SLC35F4: variants seen among roughly 807,000 people sequenced by gnomAD.
SLC35F4 encodes chromosome 14 open reading frame 36.
Under a neutral mutation model 44.2 loss-of-function variants are expected in SLC35F4, and 24 were observed. The ratio of observed to expected loss-of-function variants is 0.54; its 90% CI spans 0.39 to 0.76. The LOEUF is 0.76. Among genes scored for constraint, SLC35F4 ranks in the 30% least tolerant of loss-of-function variants. The probability of loss-of-function intolerance (pLI) is 0.00; values close to 1 mark genes in which losing one functional copy is unlikely to be tolerated. For synonymous variants in SLC35F4, 238 were observed against 223.6 expected, an observed-to-expected ratio of 1.06 and a Z score of -0.57; for missense variants, 562 against 586.1, an observed-to-expected ratio of 0.96 and a Z score of 0.42.
At chr14:57,612,544 C>T (rs2071576584) in intron 1 of SLC35F4, among the ~76,000 whole-genome samples, 1 of 152,188 alleles carries the variant, frequency 6.6e-6, no homozygotes, top group Admixed American at 6.5e-5. Flanking sequence ...ACTGTAATTT[C>T]TGGTTTATTT....
intron 1 of SLC35F4, among the ~76,000 whole-genome samples, chr14:57,684,083 T>A (rs916058666): frequency 6.6e-6 from 1 of 152,154 alleles, no homozygotes. Context: ...CATGCCTCTC[T>A]ATAACTCATC....
At chr14:57,831,137 C>G (rs979865238) in intron 1 of SLC35F4, among the ~76,000 whole-genome samples, 1 of 152,196 alleles carries the variant, frequency 6.6e-6, no homozygotes, top group Non-Finnish European at 1.5e-5. Flanking sequence ...GCCAGCAGAG[C>G]AGGGAGGTGA....
intron 1 of SLC35F4, among the ~76,000 whole-genome samples, chr14:57,605,456 G>C (rs990076164): frequency 6.6e-6 from 1 of 152,038 alleles, no homozygotes; most frequent in Non-Finnish European, 1.5e-5. Context: ...CAAAAAATAA[G>C]AGATGTTGGT....
chr14:57,569,074 T>C (rs2068349817), intron 6 of SLC35F4, among the ~76,000 whole-genome samples: 1 of 152,104 alleles, frequency 6.6e-6, no homozygotes, highest in Non-Finnish European at 1.5e-5. Context: ...AATGAAGACA[T>C]TACAAGGACT....
At chr14:57,693,889 C>T (rs1196034213) in intron 1 of SLC35F4, among the ~76,000 whole-genome samples, 2 of 152,120 alleles carry the variant, frequency 1.3e-5, no homozygotes, top group African/African-American at 4.8e-5. Context: ...GAGCACGTAT[C>T]AGACGAATAT....
At chr14:57,845,179 G>A (rs1039698565) in intron 1 of SLC35F4, among the ~76,000 whole-genome samples, 1 of 152,200 alleles carries the variant, frequency 6.6e-6, no homozygotes. Flanking sequence ...TGAGCCATGG[G>A]AGGATCTGAA....
At chr14:57,694,885 C>G (rs1324471394) in intron 1 of SLC35F4, among the ~76,000 whole-genome samples, 1 of 151,958 alleles carries the variant, frequency 6.6e-6, no homozygotes, top group Non-Finnish European at 1.5e-5. Flanking sequence ...AATATAGTAG[C>G]CTTGATAAAT....
intron 1 of SLC35F4, among the ~76,000 whole-genome samples, chr14:57,898,077 T>C (rs1342267098): frequency 6.6e-6 from 1 of 152,170 alleles, no homozygotes; most frequent in African/African-American, 2.4e-5. Flanking sequence ...GAAGCATCCC[T>C]AGTGAGTGAT....
At chr14:57,585,075 ACT>A (rs2069600477) in intron 3 of SLC35F4, among the ~76,000 whole-genome samples, 1 of 152,192 alleles carries the variant, frequency 6.6e-6, no homozygotes, top group Non-Finnish European at 1.5e-5. Context: ...GTAAGCATTT[ACT>A]CTCTTTGAAT....
chr14:57,887,278 T>C (rs564794920), intron 1 of SLC35F4, among the ~76,000 whole-genome samples: 1 of 152,106 alleles, frequency 6.6e-6, no homozygotes, highest in Non-Finnish European at 1.5e-5. Context: ...TCAAGTACAG[T>C]AGAGGAGGGT....
chr14:57,654,522 T>C (rs963075690), intron 1 of SLC35F4, among the ~76,000 whole-genome samples: 3 of 152,222 alleles, frequency 2.0e-5, no homozygotes, highest in African/African-American at 7.2e-5. Context: ...TTCCATATTT[T>C]TGCAATTGTG....
At chr14:57,782,798 A>G (rs952714601) in intron 1 of SLC35F4, among the ~76,000 whole-genome samples, 1 of 152,218 alleles carries the variant, frequency 6.6e-6, no homozygotes, top group African/African-American at 2.4e-5. Flanking sequence ...TAAACTTTGA[A>G]TAACACCATT....
At chr14:57,612,395 C>T (rs529093096) in intron 1 of SLC35F4, among the ~76,000 whole-genome samples, 58 of 152,304 alleles carry the variant, frequency 3.8e-4, no homozygotes, top group African/African-American at 1.3e-3. Context: ...TTCTCCCCAC[C>T]CAGCAGTTGG....
chr14:57,658,920 C>A (rs536411772), intron 1 of SLC35F4, among the ~76,000 whole-genome samples: 3 of 152,068 alleles, frequency 2.0e-5, no homozygotes, highest in Non-Finnish European at 4.4e-5. Flanking sequence ...AGAAATAGAA[C>A]CTTCGAGTAG....
upstream of SLC35F4, among the ~76,000 whole-genome samples, chr14:57,982,457 C>A (rs1216142996): frequency 6.6e-6 from 1 of 152,112 alleles, no homozygotes; most frequent in Non-Finnish European, 1.5e-5. Context: ...CCCTGATGAA[C>A]CAGCATTGTT....
rs1212873835 is a variant in SLC35F4 at position 57,632,069 on chromosome 14, T to C, written c.104-37945A>G. 6.6e-5 allele frequency among the ~76,000 whole-genome samples: 10 copies of C among 152,176 alleles called. No individual in the cohort carries two copies. In the East Asian group the frequency reaches 1.9e-3, roughly 29 times the overall value. On this transcript the variant is annotated intron_variant, in intron 1 of 7. Transcript: ENST00000556826. Reference sequence around the variant, plus strand: ...AGAACCTTTGTATATTTGATAGTATTTCTAACTTTCATTTCTTTACTGTTT... The same window carrying C: ...AGAACCTTTGTATATTTGATAGTATCTCTAACTTTCATTTCTTTACTGTTT...
Position 57,730,255 on chromosome 14 carries a change from G to T in SLC35F4, c.103+135468C>A, listed in dbSNP as rs116564987. Reference sequence around the variant, plus strand: ...ATAGTTGTTAAAATTTGGTGTTCCCGCAGGGGACAGGAAGTATGTAGGCTT... The same window carrying T: ...ATAGTTGTTAAAATTTGGTGTTCCCTCAGGGGACAGGAAGTATGTAGGCTT... On this transcript the variant is annotated intron_variant, in intron 1 of 7. Coordinates refer to ENST00000556826, the MANE Select transcript of SLC35F4 (RefSeq NM_001306087.2). 7.9e-5 allele frequency among the ~76,000 whole-genome samples: 12 copies of T among 152,196 alleles called. No individual in the cohort carries two copies. The East Asian group carries it at 2.3e-3, about 29-fold the overall frequency.
chr14:57,869,781 C>T (rs77844277), upstream of SLC35F4, among the ~76,000 whole-genome samples: 11,016 of 152,270 alleles, frequency 0.072, 468 homozygotes, highest in Middle Eastern at 0.15. Flanking sequence ...TAAGAAATGG[C>T]ACCTGAGAAA....
intron 1 of SLC35F4, among the ~76,000 whole-genome samples, chr14:57,637,164 G>A (rs2073047545): frequency 6.6e-6 from 1 of 152,118 alleles, no homozygotes; most frequent in South Asian, 2.1e-4. Flanking sequence ...GAGTGGCCAA[G>A]TGACTTTCTT....
Sources: gnomAD v4.1 joint callset for allele counts (sites outside exome capture counted in the v4.1 genomes callset) on GRCh38, gnomAD v4.1.1 for gene constraint, MANE v1.5 for transcripts, NCBI Gene and HGNC (gene_info 2026-07-23, HGNC 2026-07-21) for gene names.